INPP5A: variants seen among roughly 807,000 people sequenced by gnomAD.
The protein encoded by INPP5A is inositol polyphosphate-5-phosphatase A.
Under a neutral mutation model 65.2 loss-of-function variants are expected in INPP5A, and 14 were observed. That is an observed-to-expected ratio of 0.21 (90% CI 0.14 to 0.34). The LOEUF (loss-of-function observed/expected upper bound fraction) is 0.34, where lower values mean the gene tolerates loss of function less well. INPP5A is among the 10% of genes least tolerant of loss of function. INPP5A has a pLI of 1.00. For synonymous variants in INPP5A, 207 were observed against 208.3 expected, an observed-to-expected ratio of 0.99 and a Z score of 0.05; for missense variants, 431 against 545.6, an observed-to-expected ratio of 0.79 and a Z score of 2.09.
intron 1 of INPP5A, among the ~76,000 whole-genome samples, chr10:132,552,501 G>A (rs1358264966): frequency 8.1e-5 from 10 of 123,056 alleles, no homozygotes; most frequent in Non-Finnish European, 6.9e-5. Context: ...CATATTGAGT[G>A]GGATAGGGAG....
In INPP5A at chr10:132,704,680, G is replaced by C. The variant is rs577456408; in HGVS notation, c.475-3633G>C. Among the ~76,000 whole-genome samples, 1 of 152,246 alleles carries C rather than the reference G, an allele frequency of 6.6e-6. No homozygotes were observed. Among genetic ancestry groups the C allele is most frequent in the Non-Finnish European group, 1.5e-5 (1 of 68,044 alleles). ...GTGGCTGGGCCGTGGGGGGGCAGTG[G>C]CTGTTCCAGGTGGGCCGTCTCCCCG... On this transcript the variant is annotated intron_variant, in intron 6 of 15. Coordinates refer to ENST00000368594, the MANE Select transcript of INPP5A (RefSeq NM_005539.5). This position sits in a 1 kb window ranked among gnomAD's most constrained non-coding sequence, Gnocchi z 4.5.
chr10:132,573,644 TGA>T (rs1469793685), intron 1 of INPP5A, among the ~76,000 whole-genome samples: 15 of 100,234 alleles, frequency 1.5e-4, no homozygotes, highest in Admixed American at 2.0e-4. Context: ...GAGGTTTTGT[TGA>T]GATGTTGGGG....
intron 2 of INPP5A, among the ~76,000 whole-genome samples, chr10:132,632,947 C>T (rs553097485): frequency 1.3e-5 from 2 of 152,194 alleles, no homozygotes; most frequent in East Asian, 1.9e-4. Flanking sequence ...ATTCACACCT[C>T]GGAAGGGCAG....
intron 1 of INPP5A, among the ~76,000 whole-genome samples, chr10:132,544,965 G>A (rs560534402): frequency 1.3e-5 from 2 of 152,270 alleles, no homozygotes; most frequent in African/African-American, 4.8e-5. Flanking sequence ...AAATATTAAC[G>A]ATTCCTCATG....
chr10:132,762,699 A>G lies in INPP5A; in HGVS notation c.904-3074A>G, dbSNP rs1015386494. On this transcript the variant is annotated intron_variant, in intron 11 of 15. Transcript: ENST00000368594. This position sits in a 1 kb window ranked among gnomAD's most constrained non-coding sequence, Gnocchi z 4.6. Reference sequence around the variant, plus strand: ...CGAGCTGCTTTTTGTGGACTCATGCATGGCGGTAATATAGAAACATACTTG... The same window carrying G: ...CGAGCTGCTTTTTGTGGACTCATGCGTGGCGGTAATATAGAAACATACTTG... Among the ~76,000 whole-genome samples, 14 of 152,188 alleles carry G rather than the reference A, an allele frequency of 9.2e-5. No homozygotes were observed. The highest frequency in any genetic ancestry group is 1.8e-4 in the Non-Finnish European group (12 of 68,036).
rs553167067 is a variant in INPP5A, at chr10:132,779,682, C to T, written c.1090-1167C>T. ...CTTCTGGGGCTGGAGTTTGGACAGG[C>T]TCTCCCCATGGGGCCACCCAGTGGG... On this transcript the variant is annotated intron_variant, in intron 13 of 15. Transcript: ENST00000368594. 1.5e-4 allele frequency among the ~76,000 whole-genome samples: 23 copies of T among 152,372 alleles called. 1 individual carries two copies. The East Asian group carries it at 4.4e-3, about 29-fold the overall frequency.
rs575422151 is a variant in INPP5A at position 132,711,307 on chromosome 10, C to G, written c.647+851C>G. Among the ~76,000 whole-genome samples, 27 of 152,300 alleles carry G rather than the reference C, an allele frequency of 1.8e-4. No individual in the cohort carries two copies. In the Middle Eastern group the frequency reaches 0.01, roughly 58 times the overall value. On this transcript the variant is annotated intron_variant, in intron 8 of 15. Coordinates refer to ENST00000368594, the MANE Select transcript of INPP5A (RefSeq NM_005539.5). ...GTGGGATGTGTCTGATCTTGGGGCC[C>G]GTGTCCCTCCCCATCTACAGCTGGG...
chr10:132,557,169 G>C (rs1217572264), intron 1 of INPP5A, among the ~76,000 whole-genome samples: 1 of 152,282 alleles, frequency 6.6e-6, no homozygotes, highest in Non-Finnish European at 1.5e-5. Context: ...TTCCCTTGCA[G>C]AGGGGTATCC....
At chr10:132,691,813 CGGTCGCGGGAGACGTGT>C (rs761387626) in intron 5 of INPP5A, among the ~76,000 whole-genome samples, 2,189 of 150,828 alleles carry the variant, frequency 0.015, 19 homozygotes, top group Middle Eastern at 0.045. Context: ...GGGAGACGTG[CGGTCGCGGGAGACGTGT>C]GGTCGCGGGA....
At position 132,727,051 on chromosome 10, in the gene INPP5A, A is replaced by ATCTACACGCT; in HGVS notation, c.732+146_732+147insTCTACACGCT. 1 of 518,678 alleles carries ATCTACACGCT rather than the reference A, an allele frequency of 1.9e-6. No homozygotes were observed. The allele number at this position is 518,678 out of a possible 1,614,324, so 32.1% of individuals were successfully genotyped here. A position where few individuals can be genotyped will look rare whatever the true frequency, so the allele number is the denominator to read the frequency against. ...TTTAAGGCAAAACCTTTCAATGAAGAAGCATGTTTTGCTGTCGGCAGAGGG... is the reference window on the plus strand; with the variant it reads ...TTTAAGGCAAAACCTTTCAATGAAGATCTACACGCTAGCATGTTTTGCTGTCGGCAGAGGG... On this transcript the variant is annotated intron_variant, in intron 9 of 15. Transcript: ENST00000368594. This position sits in a 1 kb window ranked among gnomAD's most constrained non-coding sequence, Gnocchi z 6.5.
chr10:132,580,569 A>G (rs1444356260), intron 1 of INPP5A, among the ~76,000 whole-genome samples: 1 of 152,234 alleles, frequency 6.6e-6, no homozygotes, highest in South Asian at 2.1e-4. Flanking sequence ...GGAATTGGCC[A>G]TGCTTAGGGG....
At chr10:132,714,990 G>C (rs1845715441) in intron 8 of INPP5A, among the ~76,000 whole-genome samples, 1 of 152,230 alleles carries the variant, frequency 6.6e-6, no homozygotes, top group Non-Finnish European at 1.5e-5. Flanking sequence ...TGCTGGGCTG[G>C]GGTCCTGGAC....
intron 11 of INPP5A, among the ~76,000 whole-genome samples, chr10:132,760,276 C>T (rs965891975): frequency 2.6e-5 from 4 of 152,196 alleles, no homozygotes; most frequent in Admixed American, 1.3e-4. Context: ...GGGCCAGCAC[C>T]GAGGACTGGG....
rs1284727943 is a variant in INPP5A at position 132,782,631 on chromosome 10, A to G, written c.*602A>G. ...ATATATATAAATATATACTTTTTAA[A>G]AATAATTTATAAATCTTACCAAAAC... On this transcript the variant is annotated 3_prime_UTR_variant, in exon 16 of 16. Transcript: ENST00000368594. The surrounding 1 kb of genome is among the most constrained non-coding windows in gnomAD (Gnocchi z 4.4). 1 of 151,030 alleles carries G rather than the reference A, an allele frequency of 6.6e-6. No individual in the cohort carries two copies. The highest frequency in any genetic ancestry group is 1.5e-5 in the Non-Finnish European group (1 of 67,832). The allele number at this position is 151,030 out of a possible 1,614,324, so 9.4% of individuals were successfully genotyped here.
At chr10:132,562,301 G>A (rs12255068) in intron 1 of INPP5A, among the ~76,000 whole-genome samples, 2,775 of 152,368 alleles carry the variant, frequency 0.018, 85 homozygotes, top group African/African-American at 0.062. Flanking sequence ...CACCTTCTGC[G>A]TGGCCCGCTC....
At position 132,753,788 on chromosome 10, in the gene INPP5A, A is replaced by G. The variant is rs979687088; in HGVS notation, c.903+3943A>G. On this transcript the variant is annotated intron_variant, in intron 11 of 15. Coordinates refer to ENST00000368594, the MANE Select transcript of INPP5A (RefSeq NM_005539.5). The surrounding 1 kb of genome is among the most constrained non-coding windows in gnomAD (Gnocchi z 5.3). ...CCTTTATCAGCGCCAGTGTCTCTGCAGGAGTGGCGTGAGCGGCGGCCGGGA... is the reference window on the plus strand; with the variant it reads ...CCTTTATCAGCGCCAGTGTCTCTGCGGGAGTGGCGTGAGCGGCGGCCGGGA... The G allele has an allele frequency of 1.3e-5, 2 of 152,152 alleles. No individual in the cohort carries two copies. Among genetic ancestry groups the G allele is most frequent in the African/African-American group, 4.8e-5 (2 of 41,436 alleles). The allele number at this position is 152,152 out of a possible 1,614,324, so 9.4% of individuals were successfully genotyped here. A position where few individuals can be genotyped will look rare whatever the true frequency, so the allele number is the denominator to read the frequency against.
chr10:132,607,869 T>C (rs1590864134), intron 1 of INPP5A, 46 bp from the exon 2 acceptor site: 1 of 1,570,436 alleles, frequency 6.4e-7, no homozygotes, highest in East Asian at 2.2e-5. Flanking sequence ...TGTTTAGGGC[T>C]GTGCCATTGG....
chr10:132,781,770 C>G (rs867374977), intron 14 of INPP5A, 91 bp from the exon 15 acceptor site: 79 of 1,055,504 alleles, frequency 7.5e-5, no homozygotes, highest in Middle Eastern at 5.7e-4. Context: ...CCTGGTGAGA[C>G]GCAGGGTCTG....
At chr10:132,615,645 C>G (rs567124142) in intron 2 of INPP5A, among the ~76,000 whole-genome samples, 1 of 152,232 alleles carries the variant, frequency 6.6e-6, no homozygotes, top group African/African-American at 2.4e-5. Context: ...GGGCAGGCCC[C>G]TTTGCTTGAG....
Sources: allele counts gnomAD v4.1 joint callset (sites outside exome capture counted in the v4.1 genomes callset), GRCh38; gene constraint gnomAD v4.1.1; non-coding constraint Gnocchi (gnomAD v3.1); transcripts MANE v1.5; gene names NCBI Gene and HGNC (gene_info 2026-07-23, HGNC 2026-07-21).